The following TRAPPC10 variants were observed in gnomAD, a reference collection of about 807,000 sequenced individuals.
The protein encoded by TRAPPC10 is TRAPP 130 kDa subunit.
Under a neutral mutation model 125.5 loss-of-function variants are expected in TRAPPC10, and 23 were observed. The ratio of observed to expected loss-of-function variants is 0.18; its 90% CI spans 0.13 to 0.26. The LOEUF (loss-of-function observed/expected upper bound fraction) is 0.26. TRAPPC10 is among the 10% of genes least tolerant of loss of function. The pLI, the probability that TRAPPC10 is intolerant of heterozygous loss-of-function variation, is 1.00. For synonymous variants in TRAPPC10, 509 were observed against 518.0 expected, an observed-to-expected ratio of 0.98 and a Z score of 0.24; for missense variants, 1,123 against 1,308.4, an observed-to-expected ratio of 0.86 and a Z score of 2.19.
rs530457040 is a variant in TRAPPC10, at chr21:44,032,130, C to T, written c.107C>T (p.Thr36Met). 3.1e-5 allele frequency: 50 copies of T among 1,613,986 alleles called. No individual in the cohort carries two copies. The highest frequency in any genetic ancestry group is 3.7e-5 in the Non-Finnish European group (44 of 1,179,920). Reference sequence around the variant, plus strand: ...AATTTATTTACCTCTGTTTATCCAACGCTCTCTCAGCAGCTTCCAAGAGAA... The same window carrying T: ...AATTTATTTACCTCTGTTTATCCAATGCTCTCTCAGCAGCTTCCAAGAGAA... ...DQNLFTSVYPTLSQQLPREPM... is the reference protein window; with the variant it reads ...DQNLFTSVYPMLSQQLPREPM... The change falls in exon 2 of 23, where the codon ACG becomes ATG. Residue 36 changes from threonine to methionine, a missense_variant. Physicochemically the swap from Thr to Met is moderately conservative, Grantham distance 81. Around this residue, in one of 4 missense-constraint regions of TRAPPC10, gnomAD observed 177 missense variants for 228.9 expected, o/e 0.77. Coordinates refer to ENST00000291574, the MANE Select transcript of TRAPPC10 (RefSeq NM_003274.5).
Position 44,089,949 on chromosome 21 carries a change from C to A in TRAPPC10, c.2870+16C>A, listed in dbSNP as rs1034605515. 1 of 1,595,002 alleles carries A rather than the reference C, an allele frequency of 6.3e-7. No individual in the cohort carries two copies. Among genetic ancestry groups the A allele is most frequent in the Non-Finnish European group, 8.6e-7 (1 of 1,164,368 alleles). On this transcript the variant is annotated intron_variant, in intron 18 of 22. Transcript: ENST00000291574. ...CAGGAACACGGTAACGGAGGCGTAG[C>A]GTGCGGGCCCTGGCTTCTTTCCCCA...
At chr21:44,053,773 C>A (rs1416003200) in intron 4 of TRAPPC10, among the ~76,000 whole-genome samples, 1 of 152,208 alleles carries the variant, frequency 6.6e-6, no homozygotes, top group African/African-American at 2.4e-5. Context: ...CCAGCCCCTG[C>A]AGTCTGCGCG....
At chr21:44,088,825 C>CGTGTT (rs2038347755) in intron 17 of TRAPPC10, 1 of 151,982 alleles carries the variant, frequency 6.6e-6, no homozygotes, top group African/African-American at 2.6e-5. Flanking sequence ...TGCTGTGTGC[C>CGTGTT]ATGTTATCCC....
In TRAPPC10 at chr21:44,082,024, G is replaced by C. The variant is rs1297626643; in HGVS notation, c.1724-764G>C. Among the ~76,000 whole-genome samples the C allele has an allele frequency of 6.6e-6, 1 of 152,170 alleles. No homozygotes were observed. The highest frequency in any genetic ancestry group is 1.9e-4 in the East Asian group (1 of 5,202). ...TGCTGCTTTGTATTTGAGACTATTT[G>C]AGTTGTGATGTTCCTGCCAACGTTC... On this transcript the variant is annotated intron_variant, in intron 13 of 22. Coordinates refer to ENST00000291574, the MANE Select transcript of TRAPPC10 (RefSeq NM_003274.5). This position sits in a 1 kb window ranked among gnomAD's most constrained non-coding sequence, Gnocchi z 4.4.
chr21:44,040,086 TC>T (rs2034302943), intron 3 of TRAPPC10, among the ~76,000 whole-genome samples: 1 of 152,228 alleles, frequency 6.6e-6, no homozygotes, highest in South Asian at 2.1e-4. Context: ...ACTAAACTTT[TC>T]CTTTTGGACA....
intron 3 of TRAPPC10, among the ~76,000 whole-genome samples, chr21:44,040,144 T>C (rs1001107518): frequency 1.3e-5 from 2 of 152,218 alleles, no homozygotes; most frequent in Non-Finnish European, 2.9e-5. Context: ...TTCATCCTTT[T>C]CAGGGTTTTT....
At chr21:44,018,410 A>G (rs2032111296) in intron 1 of TRAPPC10, among the ~76,000 whole-genome samples, 1 of 151,974 alleles carries the variant, frequency 6.6e-6, no homozygotes, top group Admixed American at 6.6e-5. Flanking sequence ...TCTCAGAAAA[A>G]AAAATAAAGG....
intron 7 of TRAPPC10, among the ~76,000 whole-genome samples, chr21:44,067,782 TGCTAGG>T (rs2036561231): frequency 6.6e-6 from 1 of 151,962 alleles, no homozygotes; most frequent in Admixed American, 6.6e-5. Flanking sequence ...GCCTGATAGG[TGCTAGG>T]GAAGCTTTCT....
Position 44,087,044 on chromosome 21 carries a change from G to A in TRAPPC10, c.2539+84G>A. On this transcript the variant is annotated intron_variant, in intron 16 of 22. Transcript: ENST00000291574. This position sits in a 1 kb window ranked among gnomAD's most constrained non-coding sequence, Gnocchi z 4.6. ...GTGTGAGGGTGAGCCTGGCCTTGCT[G>A]CCATCCTGCTGAGCGCCCCTCAACA... The A allele has an allele frequency of 1.3e-6, 2 of 1,513,622 alleles. No homozygotes were observed. Among genetic ancestry groups the A allele is most frequent in the Non-Finnish European group, 1.8e-6 (2 of 1,111,246 alleles). 93.8% of individuals were successfully genotyped at this position (1,513,622 alleles called of 1,614,324 possible). A position where few individuals can be genotyped will look rare whatever the true frequency, so the allele number is the denominator to read the frequency against.
chr21:44,045,637 C>T (rs538613755), intron 3 of TRAPPC10, among the ~76,000 whole-genome samples: 6 of 151,908 alleles, frequency 3.9e-5, no homozygotes, highest in Admixed American at 6.6e-5. Flanking sequence ...CTGCAACCTC[C>T]GCCTCCCGGG....
At position 44,082,523 on chromosome 21, in the gene TRAPPC10, G is replaced by C. The variant is rs940734081; in HGVS notation, c.1724-265G>C. On this transcript the variant is annotated intron_variant, in intron 13 of 22. Coordinates refer to ENST00000291574, the MANE Select transcript of TRAPPC10 (RefSeq NM_003274.5). This position sits in a 1 kb window ranked among gnomAD's most constrained non-coding sequence, Gnocchi z 4.4. ...AGGTAGTTGACCTGTATTTCTCTTAGGTTTGTCAAAGCAGACTTGAGAAGG... is the reference window on the plus strand; with the variant it reads ...AGGTAGTTGACCTGTATTTCTCTTACGTTTGTCAAAGCAGACTTGAGAAGG... Among the ~76,000 whole-genome samples, 12 of 152,294 alleles carry C rather than the reference G, an allele frequency of 7.9e-5. No individual in the cohort carries two copies. Among genetic ancestry groups the C allele is most frequent in the African/African-American group, 2.9e-4 (12 of 41,556 alleles).
In TRAPPC10 at chr21:44,063,410, G is replaced by T; in HGVS notation, c.791-128G>T. The T allele has an allele frequency of 1.5e-6, 2 of 1,376,808 alleles. No individual in the cohort carries two copies. Among genetic ancestry groups the T allele is most frequent in the South Asian group, 2.7e-5 (2 of 74,528 alleles). The allele number at this position is 1,376,808 out of a possible 1,614,324, so 85.3% of individuals were successfully genotyped here. A position where few individuals can be genotyped will look rare whatever the true frequency, so the allele number is the denominator to read the frequency against. On this transcript the variant is annotated intron_variant, in intron 6 of 22. Coordinates refer to ENST00000291574, the MANE Select transcript of TRAPPC10 (RefSeq NM_003274.5). The surrounding 1 kb of genome is among the most constrained non-coding windows in gnomAD (Gnocchi z 4.4). ...CGAATGCATCACTAGACCACAGGGG[G>T]TGGGCCAGTGTTCATAGAAAAACTG...
chr21:44,017,128 T>C (rs935472321), intron 1 of TRAPPC10, among the ~76,000 whole-genome samples: 8 of 152,212 alleles, frequency 5.3e-5, no homozygotes, highest in African/African-American at 1.7e-4. Context: ...CTCAAGGCAA[T>C]GTTGAACCAA....
chr21:44,052,018 T>A (rs770324099), intron 3 of TRAPPC10, among the ~76,000 whole-genome samples: 3 of 152,198 alleles, frequency 2.0e-5, no homozygotes, highest in Non-Finnish European at 2.9e-5. Flanking sequence ...ACTCTCAGTC[T>A]CTTTATCTGG....
Position 44,076,533 on chromosome 21 carries a change from T to C in TRAPPC10, c.1301-19T>C, listed in dbSNP as rs1422423793. 20 of 1,605,022 alleles carry C rather than the reference T, an allele frequency of 1.2e-5. No individual in the cohort carries two copies. The highest frequency in any genetic ancestry group is 1.7e-5 in the Non-Finnish European group (20 of 1,171,898). ...ACATGATGAAGATGAAGAGGGACTC[T>C]CGTTTCTTTCTGTTTAAGCCAACAC... On this transcript the variant is annotated intron_variant, in intron 9 of 22. Transcript: ENST00000291574.
intron 3 of TRAPPC10, among the ~76,000 whole-genome samples, chr21:44,041,652 G>A (rs926359315): frequency 2.6e-5 from 4 of 151,920 alleles, no homozygotes; most frequent in Admixed American, 6.6e-5. Context: ...GATTACAGGC[G>A]TGAGCCACCA....
In TRAPPC10 at chr21:44,071,973, G is replaced by A. The variant is rs545222647; in HGVS notation, c.1039-2351G>A. Among the ~76,000 whole-genome samples, 7 of 152,340 alleles carry A rather than the reference G, an allele frequency of 4.6e-5. No homozygotes were observed. The South Asian group carries it at 1.4e-3, about 32-fold the overall frequency. ...GCTCTCTCCCACCTCCTTCAGGATG[G>A]AAGTTGAAGGTGAAGTCTCAGCAGC... On this transcript the variant is annotated intron_variant, in intron 7 of 22. Coordinates refer to ENST00000291574, the MANE Select transcript of TRAPPC10 (RefSeq NM_003274.5).
intron 3 of TRAPPC10, among the ~76,000 whole-genome samples, chr21:44,039,371 C>T (rs1421597476): frequency 2.6e-5 from 4 of 152,228 alleles, no homozygotes; most frequent in African/African-American, 9.6e-5. Context: ...CAGACTGGCA[C>T]CTGTGTTCTT....
At chr21:44,033,568 G>C (rs1299894174) in intron 2 of TRAPPC10, among the ~76,000 whole-genome samples, 1 of 152,164 alleles carries the variant, frequency 6.6e-6, no homozygotes, top group Non-Finnish European at 1.5e-5. Flanking sequence ...ATTAAATGGA[G>C]AAACTATGTA....
Sources: gnomAD v4.1 joint callset for allele counts (sites outside exome capture counted in the v4.1 genomes callset) on GRCh38, gnomAD v4.1.1 for gene constraint, gnomAD v4.1.1 regional missense constraint, Gnocchi (gnomAD v3.1) non-coding constraint, MANE v1.5 for transcripts, NCBI Gene and HGNC (gene_info 2026-07-23, HGNC 2026-07-21) for gene names.